CTNNA3: variants seen among roughly 807,000 people sequenced by gnomAD.
CTNNA3 encodes catenin alpha 3, also known as catenin alpha-3.
Under a neutral mutation model 95.7 loss-of-function variants are expected in CTNNA3, and 76 were observed. The observed-to-expected ratio is 0.79, with a 90% CI of 0.66 to 0.96. The LOEUF is 0.96. Ranked by LOEUF, CTNNA3 falls within the 40% of genes least tolerant of loss-of-function variation. The pLI is 0.00. For missense variants in CTNNA3, 1,191 were observed against 1,089.8 expected (o/e 1.09, Z -1.31); for synonymous variants, 431 against 374.4 (o/e 1.15, Z -1.74).
intron 1 of CTNNA3, among the ~76,000 whole-genome samples, chr10:67,690,303 A>G (rs1383710367): frequency 1.3e-5 from 2 of 152,194 alleles, no homozygotes; most frequent in Non-Finnish European, 2.9e-5. Flanking sequence ...TCATAAAGGT[A>G]GTGCGGACCC....
intron 17 of CTNNA3, among the ~76,000 whole-genome samples, chr10:65,962,055 C>CT (rs2077856217): frequency 6.6e-6 from 1 of 152,134 alleles, no homozygotes; most frequent in Admixed American, 6.5e-5. Context: ...TTTGTTTTAA[C>CT]TGCCACAGTC....
intron 7 of CTNNA3, among the ~76,000 whole-genome samples, chr10:66,867,029 C>T (rs1844206548): frequency 6.6e-6 from 1 of 152,108 alleles, no homozygotes; most frequent in African/African-American, 2.4e-5. Flanking sequence ...CTCATTTTCT[C>T]TCTTGTCTGC....
chr10:66,537,169 T>C (rs1014017600), intron 10 of CTNNA3, among the ~76,000 whole-genome samples: 2 of 152,108 alleles, frequency 1.3e-5, no homozygotes, highest in Admixed American at 6.5e-5. Flanking sequence ...GTTTGACAAA[T>C]AGTTATAAAA....
At chr10:67,710,834 C>T (rs1486912664) in intron 1 of CTNNA3, among the ~76,000 whole-genome samples, 1 of 152,146 alleles carries the variant, frequency 6.6e-6, no homozygotes, top group African/African-American at 2.4e-5. Flanking sequence ...TCCAAAGCAG[C>T]AGGGCAAGGC....
At chr10:67,666,758 T>C (rs1589552010) in intron 1 of CTNNA3, among the ~76,000 whole-genome samples, 1 of 151,260 alleles carries the variant, frequency 6.6e-6, no homozygotes, top group Non-Finnish European at 1.5e-5. Context: ...TATCCCATTT[T>C]ATTTTGCCCA....
rs536360777 is a variant in CTNNA3, at chr10:67,190,953, T to A, written c.844-10433A>T. On this transcript the variant is annotated intron_variant, in intron 6 of 17. Coordinates refer to ENST00000433211, the MANE Select transcript of CTNNA3 (RefSeq NM_013266.4). ...CCAATGACCTTAACAGATAATTCAC[T>A]TAAACATATATACAGATAGAAAATA... Among the ~76,000 whole-genome samples the A allele has an allele frequency of 6.6e-5, 10 of 152,082 alleles. No individual in the cohort carries two copies. The South Asian group carries it at 2.1e-3, about 32-fold the overall frequency.
intron 5 of CTNNA3, among the ~76,000 whole-genome samples, chr10:67,328,832 A>G (rs2616704): frequency 0.7 from 106,857 of 152,072 alleles, 42,322 homozygotes; most frequent in Non-Finnish European, 0.88. Flanking sequence ...CTTGTCCCCC[A>G]CCAATTCTTT....
chr10:66,024,112 C>T lies in CTNNA3; in HGVS notation c.2160-35315G>A, dbSNP rs570689733. On this transcript the variant is annotated intron_variant, in intron 15 of 17. Transcript: ENST00000433211. ...TTTTTTTTTTTTTTTTTTTTTGAGACGGAGTCTCGCTCTGTCGCCCAGGCT... is the reference window on the plus strand; with the variant it reads ...TTTTTTTTTTTTTTTTTTTTTGAGATGGAGTCTCGCTCTGTCGCCCAGGCT... Among the ~76,000 whole-genome samples, 10 of 17,530 alleles carry T rather than the reference C, an allele frequency of 5.7e-4. No individual in the cohort carries two copies. In the South Asian group the frequency reaches 0.019, roughly 33 times the overall value. 11.5% of individuals were successfully genotyped at this position (17,530 alleles called of 152,430 possible). A position where few individuals can be genotyped will look rare whatever the true frequency, so the allele number is the denominator to read the frequency against.
chr10:66,687,415 T>C (rs1037220251), intron 9 of CTNNA3, among the ~76,000 whole-genome samples: 2 of 152,128 alleles, frequency 1.3e-5, no homozygotes, highest in Non-Finnish European at 2.9e-5. Context: ...TAAGAGCATT[T>C]TAAGAAATAC....
intron 7 of CTNNA3, among the ~76,000 whole-genome samples, chr10:67,031,265 C>T (rs1016761659): frequency 1.3e-5 from 2 of 151,972 alleles, no homozygotes; most frequent in African/African-American, 4.8e-5. Context: ...TGTTCAACAT[C>T]AAATGAGGTA....
intron 15 of CTNNA3, among the ~76,000 whole-genome samples, chr10:65,989,452 T>C (rs2078494679): frequency 6.6e-6 from 1 of 152,168 alleles, no homozygotes; most frequent in African/African-American, 2.4e-5. Flanking sequence ...CAAAGGTATT[T>C]TCCTGATTTT....
intron 12 of CTNNA3, among the ~76,000 whole-genome samples, chr10:66,295,140 T>G (rs186842813): frequency 1.7e-3 from 252 of 152,342 alleles, no homozygotes; most frequent in South Asian, 6.2e-3. Context: ...GTGAAAGGAC[T>G]GTGGAACTCA....
At chr10:66,331,221 T>A (rs2092324001) in intron 12 of CTNNA3, among the ~76,000 whole-genome samples, 1 of 151,950 alleles carries the variant, frequency 6.6e-6, no homozygotes, top group African/African-American at 2.4e-5. Flanking sequence ...AAGTTTTTAA[T>A]CAAGCTTGAA....
rs1253303623 is a variant in CTNNA3, at chr10:66,023,005, C to A, written c.2160-34208G>T. On this transcript the variant is annotated intron_variant, in intron 15 of 17. Coordinates refer to ENST00000433211, the MANE Select transcript of CTNNA3 (RefSeq NM_013266.4). ...CTTGGAGTAGAACACTGATATCAAC[C>A]CATATCCAGTTATTTTATTGTTGTT... Among the ~76,000 whole-genome samples the A allele has an allele frequency of 4.6e-5, 7 of 152,298 alleles. No homozygotes were observed. The East Asian group carries it at 7.7e-4, about 17-fold the overall frequency.
intron 7 of CTNNA3, among the ~76,000 whole-genome samples, chr10:67,179,081 T>C (rs962775690): frequency 1.3e-5 from 2 of 152,088 alleles, no homozygotes; most frequent in Non-Finnish European, 2.9e-5. Flanking sequence ...ATAATTTTAG[T>C]GCATTTCAAT....
At chr10:67,094,086 T>C (rs982009335) in intron 7 of CTNNA3, among the ~76,000 whole-genome samples, 1 of 151,940 alleles carries the variant, frequency 6.6e-6, no homozygotes, top group Non-Finnish European at 1.5e-5. Flanking sequence ...CAACATATGA[T>C]GTTGATATAG....
At chr10:66,758,877 G>A (rs36043252) in intron 9 of CTNNA3, among the ~76,000 whole-genome samples, 6,280 of 152,174 alleles carry the variant, frequency 0.041, 265 homozygotes, top group East Asian at 0.23. Context: ...AGAGGTTGCC[G>A]TGAGCCTAGA....
At chr10:67,706,810 A>G (rs1841081331) in intron 1 of CTNNA3, among the ~76,000 whole-genome samples, 1 of 152,198 alleles carries the variant, frequency 6.6e-6, no homozygotes. Context: ...AATGGTTCCC[A>G]ACTTTGTATC....
Position 67,716,681 on chromosome 10 carries a change from A to G in CTNNA3, c.-2+46753T>C, listed in dbSNP as rs563622246. Among the ~76,000 whole-genome samples, 4 of 152,262 alleles carry G rather than the reference A, an allele frequency of 2.6e-5. No homozygotes were observed. In the East Asian group the frequency reaches 7.7e-4, roughly 29 times the overall value. ...CTTTTTTATGGCTGCATAGTATTCC[A>G]TGGTGTGTATGTGCCACATTTTCTT... is the stretch of plus-strand genomic sequence containing the variant. On this transcript the variant is annotated intron_variant, in intron 1 of 17. Transcript: ENST00000684154.
Sources: allele counts gnomAD v4.1 joint callset (sites outside exome capture counted in the v4.1 genomes callset), GRCh38; gene constraint gnomAD v4.1.1; transcripts MANE v1.5; gene names NCBI Gene and HGNC (gene_info 2026-07-23, HGNC 2026-07-21).